Variants in NRXN3 observed in about 807,000 individuals in gnomAD.
The protein encoded by NRXN3 is neurexin III.
In NRXN3, 32 loss-of-function variants were observed where a neutral mutation model predicts 137.6. That is an observed-to-expected ratio of 0.23 (90% CI 0.18 to 0.31). The LOEUF is 0.31. NRXN3 is among the 10% of genes least tolerant of loss of function. The pLI is 1.00. For synonymous variants in NRXN3, 798 were observed against 784.5 expected (o/e 1.02, Z -0.29); for missense variants, 1,574 against 2,062.5 (o/e 0.76, Z 4.59).
chr14:79,249,063 C>G (rs973723474), intron 15 of NRXN3: 5 of 152,166 alleles, frequency 3.3e-5, no homozygotes, highest in African/African-American at 1.2e-4. Context: ...TGACTGTTGT[C>G]TCTCGAGGTG....
chr14:78,966,555 T>G, intron 12 of NRXN3, 149 bp downstream of exon 12: 1 of 837,276 alleles, frequency 1.2e-6, no homozygotes, highest in Non-Finnish European at 1.8e-6. Flanking sequence ...AATGGATCCA[T>G]AAAATTATTA....
chr14:78,811,850 TCACTTA>T (rs2098914642), intron 10 of NRXN3, among the ~76,000 whole-genome samples: 1 of 152,226 alleles, frequency 6.6e-6, no homozygotes, highest in Non-Finnish European at 1.5e-5. Context: ...TGTCTTGGCA[TCACTTA>T]CAGTTATTTT....
Position 78,907,076 on chromosome 14 carries a change from A to T in NRXN3, c.2276-50166A>T, listed in dbSNP as rs551821935. Among the ~76,000 whole-genome samples the T allele has an allele frequency of 1.1e-4, 17 of 152,160 alleles. No homozygotes were observed. The South Asian group carries it at 2.7e-3, about 24-fold the overall frequency. The stretch of plus-strand genomic sequence containing the variant: ...AGAAACTACCCCATAAAAGTAGAAG[A>T]TATCTTTCAGAGTCTCAACACATAT... On this transcript the variant is annotated intron_variant, in intron 10 of 20. Coordinates refer to ENST00000335750, the MANE Select transcript of NRXN3 (RefSeq NM_001330195.2).
At chr14:79,073,183 G>A (rs955859347) in intron 15 of NRXN3, among the ~76,000 whole-genome samples, 2 of 152,030 alleles carry the variant, frequency 1.3e-5, no homozygotes, top group African/African-American at 2.4e-5. Flanking sequence ...CACCGCGCCC[G>A]GCCCGTCTCT....
chr14:79,588,462 A>G lies in NRXN3; in HGVS notation c.3445-75316A>G, dbSNP rs1025231466. Among the ~76,000 whole-genome samples, 14 of 152,178 alleles carry G rather than the reference A, an allele frequency of 9.2e-5. 1 individual carries two copies. The highest frequency in any genetic ancestry group is 2.0e-4 in the Admixed American group (3 of 15,268). ...ACCCAGCTATATCCTGTTAGTTTTT[A>G]ATCAGGAGGGAAAAAAAGGCTGCTA... is the stretch of plus-strand genomic sequence containing the variant. On this transcript the variant is annotated intron_variant, in intron 16 of 20. Coordinates refer to ENST00000335750, the MANE Select transcript of NRXN3 (RefSeq NM_001330195.2).
intron 10 of NRXN3, among the ~76,000 whole-genome samples, chr14:78,869,293 AG>A (rs2099095553): frequency 6.6e-6 from 1 of 152,158 alleles, no homozygotes; most frequent in African/African-American, 2.4e-5. Context: ...TCACTGATCT[AG>A]GGTGAGCTCT....
At chr14:78,213,197 G>C (rs1226092865) in intron 1 of NRXN3, among the ~76,000 whole-genome samples, 1 of 152,176 alleles carries the variant, frequency 6.6e-6, no homozygotes, top group African/African-American at 2.4e-5. Flanking sequence ...TGTGCTGCCT[G>C]AGTCCCAGAG....
At chr14:78,429,238 A>G (rs1051004486) in intron 4 of NRXN3, among the ~76,000 whole-genome samples, 1 of 151,640 alleles carries the variant, frequency 6.6e-6, no homozygotes, top group African/African-American at 2.4e-5. Context: ...AAACATATAT[A>G]TATATATTTT....
intron 4 of NRXN3, among the ~76,000 whole-genome samples, chr14:78,442,852 T>A (rs1355238346): frequency 6.6e-6 from 1 of 152,220 alleles, no homozygotes; most frequent in Non-Finnish European, 1.5e-5. Context: ...ATATTTATAA[T>A]ACCAATAAGA....
chr14:79,005,623 C>A (rs983706708), intron 15 of NRXN3, among the ~76,000 whole-genome samples: 11 of 152,136 alleles, frequency 7.2e-5, no homozygotes, highest in Admixed American at 2.0e-4. Flanking sequence ...TTCATAAACC[C>A]ATGCACCTGT....
intron 4 of NRXN3, among the ~76,000 whole-genome samples, chr14:78,339,830 A>G (rs214005): frequency 0.44 from 66,335 of 151,952 alleles, 14,974 homozygotes; most frequent in Admixed American, 0.55. Flanking sequence ...AAAGTAGATG[A>G]GGAGCACTGA....
At chr14:78,630,597 C>CTTTTTTTTTTTTTTTTTTTTT (rs370862037) in intron 4 of NRXN3, among the ~76,000 whole-genome samples, 3 of 127,808 alleles carry the variant, frequency 2.3e-5, no homozygotes, top group Non-Finnish European at 3.4e-5. Flanking sequence ...TTCTTTCTTT[C>CTTTTTTTTTTTTTTTTTTTTT]TTTTTTTTTT....
chr14:78,475,039 C>T (rs73316486), intron 4 of NRXN3, among the ~76,000 whole-genome samples: 7,739 of 152,116 alleles, frequency 0.051, 252 homozygotes, highest in African/African-American at 0.093. Context: ...GTAGGTACAG[C>T]CTAACTTAAT....
intron 10 of NRXN3, among the ~76,000 whole-genome samples, chr14:78,894,931 T>C: frequency 6.6e-6 from 1 of 151,574 alleles, no homozygotes; most frequent in Non-Finnish European, 1.5e-5. Flanking sequence ...TTCTCAATAG[T>C]AGGCTTAAAG....
chr14:78,193,259 GA>G (rs2060909999), intron 1 of NRXN3, among the ~76,000 whole-genome samples: 1 of 152,150 alleles, frequency 6.6e-6, no homozygotes, highest in Non-Finnish European at 1.5e-5. Flanking sequence ...CCTCATTCTG[GA>G]AATACTTGAA....
At chr14:78,529,505 A>G (rs1457735642) in intron 4 of NRXN3, among the ~76,000 whole-genome samples, 1 of 152,092 alleles carries the variant, frequency 6.6e-6, no homozygotes, top group Non-Finnish European at 1.5e-5. Context: ...GGTCAAAATC[A>G]TTTTCTTGAA....
chr14:79,600,191 T>C (rs1327379248), intron 16 of NRXN3, among the ~76,000 whole-genome samples: 1 of 152,218 alleles, frequency 6.6e-6, no homozygotes, highest in Non-Finnish European at 1.5e-5. Context: ...TCTTTTACCA[T>C]GATGCCATGC....
chr14:78,976,927 A>T (rs2099469233), intron 14 of NRXN3, among the ~76,000 whole-genome samples: 1 of 152,180 alleles, frequency 6.6e-6, no homozygotes, highest in Non-Finnish European at 1.5e-5. Context: ...TACACTAAGG[A>T]CTTGGCAGGT....
At chr14:79,484,582 A>G (rs1005973391) in intron 16 of NRXN3, among the ~76,000 whole-genome samples, 3 of 151,984 alleles carry the variant, frequency 2.0e-5, no homozygotes, top group East Asian at 1.9e-4. Flanking sequence ...AAGCCCCCCA[A>G]TCTCCACCAC....
Sources: gnomAD v4.1 joint callset for allele counts (sites outside exome capture counted in the v4.1 genomes callset) on GRCh38, gnomAD v4.1.1 for gene constraint, MANE v1.5 for transcripts, NCBI Gene and HGNC (gene_info 2026-07-23, HGNC 2026-07-21) for gene names.